The following LRCH1 variants were observed in gnomAD, a reference collection of about 807,000 sequenced individuals.
LRCH1 encodes the protein leucine rich repeats and calponin homology domain containing 1.
Under a neutral mutation model 94.9 loss-of-function variants are expected in LRCH1, and 23 were observed. The observed-to-expected ratio is 0.24, with a 90% confidence interval of 0.17 to 0.34. LRCH1 has a LOEUF of 0.34. Ranked by LOEUF, LRCH1 falls within the 10% of genes least tolerant of loss-of-function variation. LRCH1 has a pLI of 1.00. For synonymous variants in LRCH1, 364 were observed against 354.9 expected (o/e 1.03, Z -0.29); for missense variants, 790 against 945.9 (o/e 0.84, Z 2.16).
At chr13:46,586,791 G>A (rs929689398) in intron 1 of LRCH1, among the ~76,000 whole-genome samples, 4 of 152,232 alleles carry the variant, frequency 2.6e-5, no homozygotes, top group African/African-American at 4.8e-5. Flanking sequence ...AGGGGTAGGC[G>A]CCAGGATCAG....
intron 15 of LRCH1, among the ~76,000 whole-genome samples, chr13:46,713,163 A>G (rs1872158519): frequency 6.6e-6 from 1 of 152,258 alleles, no homozygotes; most frequent in African/African-American, 2.4e-5. Context: ...AATTATAGCA[A>G]TGTACAAAAT....
intron 2 of LRCH1, among the ~76,000 whole-genome samples, chr13:46,665,509 A>G (rs562283697): frequency 6.6e-6 from 1 of 152,366 alleles, no homozygotes; most frequent in Non-Finnish European, 1.5e-5. Flanking sequence ...AAATAGACAA[A>G]TGAATCCAGC....
chr13:46,663,935 G>A (rs946823944), intron 2 of LRCH1, among the ~76,000 whole-genome samples: 1 of 152,162 alleles, frequency 6.6e-6, no homozygotes, highest in Non-Finnish European at 1.5e-5. Flanking sequence ...AAAACAAGTA[G>A]TAAACAGAGA....
At chr13:46,617,811 C>G (rs2050829198) in intron 1 of LRCH1, among the ~76,000 whole-genome samples, 1 of 152,120 alleles carries the variant, frequency 6.6e-6, no homozygotes, top group African/African-American at 2.4e-5. Flanking sequence ...TCAGGATAGG[C>G]CCCAAAACAT....
At chr13:46,741,111 G>A (rs1873631438) in intron 19 of LRCH1, among the ~76,000 whole-genome samples, 1 of 152,014 alleles carries the variant, frequency 6.6e-6, no homozygotes, top group Admixed American at 6.6e-5. Context: ...ATTGCCCAGA[G>A]TTTATCAAGC....
At chr13:46,573,119 T>C (rs572152781) in intron 1 of LRCH1, among the ~76,000 whole-genome samples, 10 of 152,362 alleles carry the variant, frequency 6.6e-5, no homozygotes, top group Admixed American at 5.9e-4. Context: ...TATCATTTGT[T>C]TTCTGACTTA....
At position 46,588,934 on chromosome 13, in the gene LRCH1, T is replaced by C. The variant is rs1307576445; in HGVS notation, c.307+35231T>C. On this transcript the variant is annotated intron_variant, in intron 1 of 19. Transcript: ENST00000389797. ...TGCTTTCTCTATTTGTGTGTGTATATGTGTATGTGAAGGTATGCGGATGTG... is the reference window on the plus strand; with the variant it reads ...TGCTTTCTCTATTTGTGTGTGTATACGTGTATGTGAAGGTATGCGGATGTG... Among the ~76,000 whole-genome samples, 3 of 152,228 alleles carry C rather than the reference T, an allele frequency of 2.0e-5. No homozygotes were observed. The East Asian group carries it at 5.8e-4, about 29-fold the overall frequency.
chr13:46,681,564 A>C (rs17069213), intron 3 of LRCH1, among the ~76,000 whole-genome samples, 177 bp from the exon 4 acceptor site: 8,826 of 152,246 alleles, frequency 0.058, 886 homozygotes, highest in African/African-American at 0.2. Context: ...GAGGGAGTTT[A>C]AAATGTTCAG....
intron 1 of LRCH1, among the ~76,000 whole-genome samples, chr13:46,603,200 T>G (rs1037550538): frequency 1.3e-5 from 2 of 152,268 alleles, no homozygotes; most frequent in African/African-American, 4.8e-5. Flanking sequence ...TTATTTCTTC[T>G]TGGTGTGGCC....
intron 1 of LRCH1, among the ~76,000 whole-genome samples, chr13:46,613,587 T>C (rs2138007620): frequency 6.6e-6 from 1 of 152,090 alleles, no homozygotes; most frequent in East Asian, 1.9e-4. Context: ...GATGCTGTGA[T>C]TTCTCAGCCT....
intron 1 of LRCH1, among the ~76,000 whole-genome samples, chr13:46,647,500 T>A (rs945415293): frequency 3.3e-5 from 5 of 152,196 alleles, no homozygotes; most frequent in Non-Finnish European, 5.9e-5. Flanking sequence ...AGAAGCTCTT[T>A]CTGTTTATAA....
chr13:46,559,804 T>C (rs986160721), intron 1 of LRCH1, among the ~76,000 whole-genome samples: 2 of 152,202 alleles, frequency 1.3e-5, no homozygotes, highest in African/African-American at 4.8e-5. Flanking sequence ...TGATTTTTGG[T>C]AGGTGTTTGA....
rs1873832726 is a variant in LRCH1, at chr13:46,744,671, T to G, written c.*2823T>G. 6.1e-6 allele frequency: 6 copies of G among 985,310 alleles called. No individual in the cohort carries two copies. Among genetic ancestry groups the G allele is most frequent in the Admixed American group, 6.1e-5 (1 of 16,270 alleles). 61.0% of individuals were successfully genotyped at this position (985,310 alleles called of 1,614,324 possible). A position where few individuals can be genotyped will look rare whatever the true frequency, so the allele number is the denominator to read the frequency against. ...AGCGCGTGGTGAGCTGGGTTATCTC[T>G]CGAAAACTCATGTAGATGCCTGATT... On this transcript the variant is annotated 3_prime_UTR_variant, in exon 20 of 20. Coordinates refer to ENST00000389797, the MANE Select transcript of LRCH1 (RefSeq NM_001164211.2).
intron 1 of LRCH1, among the ~76,000 whole-genome samples, chr13:46,627,824 G>A (rs76219230): frequency 0.023 from 3,458 of 152,120 alleles, 60 homozygotes; most frequent in Middle Eastern, 0.054. Context: ...TTTTGGATCC[G>A]TGTAATTTCT....
chr13:46,696,195 T>TAC (rs10553999), intron 9 of LRCH1, among the ~76,000 whole-genome samples: 6,805 of 147,120 alleles, frequency 0.046, 197 homozygotes, highest in African/African-American at 0.073. Flanking sequence ...TGCATGTGTG[T>TAC]ACACACACAC....
At chr13:46,578,644 G>T (rs1430015856) in intron 1 of LRCH1, among the ~76,000 whole-genome samples, 1 of 152,156 alleles carries the variant, frequency 6.6e-6, no homozygotes, top group Non-Finnish European at 1.5e-5. Flanking sequence ...TAATATGCTG[G>T]TCTTTTGGAC....
chr13:46,565,218 A>T (rs1013052493), intron 1 of LRCH1, among the ~76,000 whole-genome samples: 1 of 152,244 alleles, frequency 6.6e-6, no homozygotes, highest in African/African-American at 2.4e-5. Flanking sequence ...GTTATAAGGC[A>T]CAGAAAGACT....
intron 2 of LRCH1, among the ~76,000 whole-genome samples, chr13:46,661,790 A>T (rs1211488710): frequency 6.6e-6 from 1 of 152,218 alleles, no homozygotes; most frequent in Non-Finnish European, 1.5e-5. Context: ...CAGGCATCTT[A>T]ATTTTTATTA....
chr13:46,647,779 G>A (rs1240903989), intron 1 of LRCH1, among the ~76,000 whole-genome samples: 5 of 147,352 alleles, frequency 3.4e-5, no homozygotes, highest in African/African-American at 1.3e-4. Context: ...TAAAAGGTGC[G>A]AGATAGGTAG....
Sources: gnomAD v4.1 joint callset for allele counts (sites outside exome capture counted in the v4.1 genomes callset) on GRCh38, gnomAD v4.1.1 for gene constraint, MANE v1.5 for transcripts, NCBI Gene and HGNC (gene_info 2026-07-23, HGNC 2026-07-21) for gene names.